Variants in MYL5 observed in about 807,000 individuals in gnomAD.
MYL5 encodes myosin regulatory light chain 5.
Under a neutral mutation model 20.8 loss-of-function variants are expected in MYL5, and 28 were observed. The observed-to-expected ratio is 1.35, with a 90% CI of 1.00 to 1.84. The LOEUF is 1.84. Among genes scored for constraint, MYL5 ranks in the 40% most tolerant of loss-of-function variants. The pLI is 0.00. For synonymous variants in MYL5, 118 were observed against 87.4 expected, an observed-to-expected ratio of 1.35 and a Z score of -1.95; for missense variants, 274 against 227.3, an observed-to-expected ratio of 1.21 and a Z score of -1.32.
In MYL5 at chr4:678,378, C is replaced by T. The variant is rs1739069451; in HGVS notation, c.4-280C>T. Reference sequence around the variant, plus strand: ...CAAGCCTTCAGAGGCCAAGCTGGCTCCTGCTGGACGGCGATCCCTGACCAC... The same window carrying T: ...CAAGCCTTCAGAGGCCAAGCTGGCTTCTGCTGGACGGCGATCCCTGACCAC... On this transcript the variant is annotated intron_variant, in intron 1 of 6. Coordinates refer to ENST00000400159, the Ensembl canonical transcript of MYL5. The T allele has an allele frequency of 2.8e-6, 4 of 1,414,042 alleles. No individual in the cohort carries two copies. The South Asian group carries it at 4.5e-5, about 16-fold the overall frequency. The allele number at this position is 1,414,042 out of a possible 1,614,324, so 87.6% of individuals were successfully genotyped here.
At chr4:678,013 A>C in exon 1 of MYL5, 1 of 1,612,492 alleles carries the variant, frequency 6.2e-7, no homozygotes, top group Middle Eastern at 1.6e-4. Context: ...GCATCAAAGC[A>C]GGCAGAAGCA....
upstream of MYL5, among the ~76,000 whole-genome samples, chr4:677,265 A>T (rs1246030281): frequency 6.6e-6 from 1 of 152,122 alleles, no homozygotes; most frequent in African/African-American, 2.4e-5. Flanking sequence ...GGGCATCTGG[A>T]TGCTGACTCT....
intron 6 of MYL5, 67 bp downstream of exon 8, chr4:681,207 G>A: frequency 6.5e-7 from 1 of 1,548,486 alleles, no homozygotes; most frequent in Admixed American, 1.9e-5. Context: ...CAGCTGGGTG[G>A]AGGGGGACGC....
upstream of MYL5, among the ~76,000 whole-genome samples, chr4:677,379 G>A (rs1339979835): frequency 6.6e-6 from 1 of 152,192 alleles, no homozygotes; most frequent in Non-Finnish European, 1.5e-5. Flanking sequence ...CCAGGCTCAG[G>A]GCCCTAGAGT....
intron 1 of MYL5, chr4:678,251 A>G (rs1243517473): frequency 2.0e-6 from 3 of 1,473,932 alleles, no homozygotes; most frequent in East Asian, 5.0e-5. Flanking sequence ...TACGTGCCTC[A>G]CGTTGCTCTC....
chr4:678,857 G>A (rs1739130307), intron 2 of MYL5, 92 bp downstream of exon 4: 1 of 1,608,160 alleles, frequency 6.2e-7, no homozygotes, highest in African/African-American at 1.3e-5. Flanking sequence ...CAGCAGGAGT[G>A]GAAGCCTATC....
chr4:680,489 T>C lies in MYL5; in HGVS notation c.293-20T>C, dbSNP rs774292144. 1.5e-5 allele frequency: 24 copies of C among 1,613,242 alleles called. No homozygotes were observed. The highest frequency in any genetic ancestry group is 2.0e-5 in the Non-Finnish European group (24 of 1,179,732). On this transcript the variant is annotated intron_variant, in intron 4 of 6. Transcript: ENST00000400159. ...GACTGCCACCCTGACGGCCCTGGGC[T>C]GAAGGTGCCTTTGTGGCAGGTACCG... is the stretch of plus-strand genomic sequence containing the variant.
chr4:681,657 GCCGCCCCGCCCCC>G (rs1739612786), intron 6 of MYL5, among the ~76,000 whole-genome samples: 2 of 10,116 alleles, frequency 2.0e-4, no homozygotes, highest in Non-Finnish European at 3.7e-4. Context: ...CCCCTCCAGC[GCCGCCCCGCCCCC>G]TCCAGCGCCG....
chr4:678,468 C>T (rs1367702463), intron 1 of MYL5, 190 bp from the exon 4 acceptor site: 3 of 1,432,858 alleles, frequency 2.1e-6, no homozygotes, highest in South Asian at 1.5e-5. Context: ...AGCCAGACAC[C>T]TGCAGCCGTC....
upstream of MYL5, chr4:674,555 G>A: frequency 2.1e-6 from 1 of 472,904 alleles, no homozygotes. Flanking sequence ...TCCCCGCAGG[G>A]CTGGGGGTCC....
upstream of MYL5, chr4:677,825 G>T: frequency 2.5e-6 from 2 of 790,624 alleles, no homozygotes; most frequent in Non-Finnish European, 4.3e-6. Flanking sequence ...GGCCTTGCGG[G>T]GTGAGGCAGG....
intron 6 of MYL5, among the ~76,000 whole-genome samples, chr4:681,406 G>T (rs1465323897): frequency 2.6e-5 from 4 of 152,030 alleles, no homozygotes; most frequent in African/African-American, 7.2e-5. Context: ...AGCCGGAGGG[G>T]CGGGGCTCAC....
chr4:681,970 C>G lies in MYL5; in HGVS notation c.498C>G (p.Thr166=), dbSNP rs372865420. The change falls in exon 7 of 7, where the codon ACC becomes ACG. Residue 166 remains threonine, a synonymous_variant. Coordinates refer to ENST00000400159, the Ensembl canonical transcript of MYL5. ...ACAAGGCGCTCAGCTACGTGATCAC[C>G]CACGGGGAGGAGAAGGAGGAGTGAG... 5.0e-6 allele frequency: 7 copies of G among 1,394,762 alleles called. No homozygotes were observed. The African/African-American group carries it at 7.5e-5, about 15-fold the overall frequency. 86.4% of individuals were successfully genotyped at this position (1,394,762 alleles called of 1,614,324 possible).
chr4:680,779 CCTGTGCCCGG>C, intron 5 of MYL5, 192 bp downstream of exon 7: 1 of 665,920 alleles, frequency 1.5e-6, no homozygotes, highest in Non-Finnish European at 2.5e-6. Context: ...GGGACCAGCG[CCTGTGCCCGG>C]TGGGGGTGGG....
At chr4:676,909 G>A (rs1243848781), upstream of MYL5, 10 of 985,386 alleles carry the variant, frequency 1.0e-5, no homozygotes, top group Non-Finnish European at 1.2e-5. Flanking sequence ...AGAGGCCGCT[G>A]GACCTGGGGA....
chr4:680,684 C>T, intron 5 of MYL5, 97 bp downstream of exon 7: 3 of 1,225,682 alleles, frequency 2.4e-6, no homozygotes, highest in African/African-American at 1.5e-5. Context: ...ATGCCACGCC[C>T]ACCTCCCCAC....
chr4:678,957 G>C lies in MYL5; in HGVS notation c.112-1G>C, dbSNP rs779883556. On this transcript the variant is annotated splice_acceptor_variant, in intron 2 of 6. Transcript: ENST00000400159. LOFTEE classifies it high-confidence loss of function. ...ACAGCAGCCCTGACCTTGGTCCCCA[G>C]GCATTCACACTCATGGATCAGAACC... 1.9e-5 allele frequency: 31 copies of C among 1,613,668 alleles called. No homozygotes were observed. Among genetic ancestry groups the C allele is most frequent in the Admixed American group, 5.0e-5 (3 of 59,996 alleles).
chr4:681,612 C>G (rs192959671), intron 6 of MYL5, among the ~76,000 whole-genome samples: 9,406 of 104,218 alleles, frequency 0.09, 740 homozygotes, highest in African/African-American at 0.098. Context: ...CCCGCCCCCT[C>G]CAGCGCCGCC....
At chr4:681,763 C>G (rs1240681328) in intron 6 of MYL5, 130 bp from the exon 9 acceptor site, 1 of 1,183,822 alleles carries the variant, frequency 8.4e-7, no homozygotes, top group Non-Finnish European at 1.0e-6. Context: ...CAGCGCCGCC[C>G]TCACCCCGCA....
Sources: allele counts gnomAD v4.1 joint callset (sites outside exome capture counted in the v4.1 genomes callset), GRCh38; gene constraint gnomAD v4.1.1; transcripts MANE v1.5; gene names NCBI Gene and HGNC (gene_info 2026-07-23, HGNC 2026-07-21).